Variants in ERG observed in about 807,000 individuals in gnomAD.
ERG encodes the protein transcriptional regulator ERG.
In ERG, 9 loss-of-function variants were observed where a neutral mutation model predicts 55.3. The ratio of observed to expected loss-of-function variants is 0.16; its 90% confidence interval spans 0.10 to 0.28. The LOEUF (loss-of-function observed/expected upper bound fraction) is 0.28, where lower values mean the gene tolerates loss of function less well. ERG is among the 10% of genes least tolerant of loss of function. ERG has a pLI of 1.00. For synonymous variants in ERG, 223 were observed against 237.3 expected (o/e 0.94, Z 0.55); for missense variants, 434 against 631.6 (o/e 0.69, Z 3.35).
At chr21:38,568,899 TC>T (rs1169683909) in intron 2 of ERG, among the ~76,000 whole-genome samples, 1 of 152,162 alleles carries the variant, frequency 6.6e-6, no homozygotes, top group Non-Finnish European at 1.5e-5. Flanking sequence ...CAAGGTGTGA[TC>T]CCAGGAAGAT....
chr21:38,647,501 G>C (rs367628691), intron 1 of ERG, among the ~76,000 whole-genome samples: 6 of 152,134 alleles, frequency 3.9e-5, no homozygotes, highest in Non-Finnish European at 5.9e-5. Context: ...CAGTATATCT[G>C]TGGTATTAAA....
At chr21:38,614,638 G>A (rs2060248263) in intron 1 of ERG, among the ~76,000 whole-genome samples, 1 of 152,240 alleles carries the variant, frequency 6.6e-6, no homozygotes, top group South Asian at 2.1e-4. Flanking sequence ...GCTAGAAGGG[G>A]ACTGGGTTGG....
chr21:38,393,613 T>C (rs1179410851), intron 6 of ERG, among the ~76,000 whole-genome samples: 2 of 152,204 alleles, frequency 1.3e-5, no homozygotes, highest in African/African-American at 4.8e-5. Flanking sequence ...TTAATTTTGT[T>C]TAAAACCAGC....
chr21:38,544,202 G>A (rs1418540913), intron 2 of ERG, among the ~76,000 whole-genome samples: 2 of 152,216 alleles, frequency 1.3e-5, no homozygotes, highest in Non-Finnish European at 2.9e-5. Flanking sequence ...AAGAATGTTT[G>A]TGTGGGCAGA....
upstream of ERG, among the ~76,000 whole-genome samples, chr21:38,586,683 A>G (rs2146886281): frequency 6.6e-6 from 1 of 152,346 alleles, no homozygotes; most frequent in Non-Finnish European, 1.5e-5. Flanking sequence ...AAGATCAATT[A>G]CAAAACAAAA....
chr21:38,538,493 G>A (rs1336839791), intron 2 of ERG, among the ~76,000 whole-genome samples: 1 of 151,964 alleles, frequency 6.6e-6, no homozygotes, highest in Non-Finnish European at 1.5e-5. Context: ...GGAGTAATGG[G>A]CTTCCATCTA....
At chr21:38,647,796 C>T (rs887297435) in intron 1 of ERG, among the ~76,000 whole-genome samples, 1 of 152,172 alleles carries the variant, frequency 6.6e-6, no homozygotes, top group Non-Finnish European at 1.5e-5. Flanking sequence ...CTCATTCACT[C>T]TTTAACAAGT....
chr21:38,428,111 G>T (rs947317125), intron 2 of ERG, among the ~76,000 whole-genome samples: 1 of 151,218 alleles, frequency 6.6e-6, no homozygotes, highest in Admixed American at 6.6e-5. Flanking sequence ...GCCTGGGGAG[G>T]TTGAGACTGC....
At chr21:38,579,544 A>G (rs975036842) in intron 1 of ERG, among the ~76,000 whole-genome samples, 8 of 152,184 alleles carry the variant, frequency 5.3e-5, no homozygotes, top group African/African-American at 1.9e-4. Flanking sequence ...AGGAGCCTTG[A>G]TGAACAAGAA....
chr21:38,604,072 C>A (rs1049950010), intron 1 of ERG, among the ~76,000 whole-genome samples: 8 of 148,842 alleles, frequency 5.4e-5, no homozygotes, highest in Admixed American at 1.3e-4. Flanking sequence ...CACGGTGAAA[C>A]CCCGTCTCTA....
chr21:38,593,280 C>G (rs937261684), intron 1 of ERG, among the ~76,000 whole-genome samples: 2 of 152,204 alleles, frequency 1.3e-5, no homozygotes, highest in Admixed American at 6.5e-5. Flanking sequence ...AAAGTAAAAG[C>G]AACTATAAAT....
chr21:38,474,861 A>T (rs1320189273), intron 1 of ERG, among the ~76,000 whole-genome samples: 4 of 152,112 alleles, frequency 2.6e-5, no homozygotes, highest in African/African-American at 4.8e-5. Context: ...TGAATCAAAG[A>T]AAGTGAAGCA....
At chr21:38,655,271 C>A (rs2060511915) in intron 1 of ERG, among the ~76,000 whole-genome samples, 1 of 152,066 alleles carries the variant, frequency 6.6e-6, no homozygotes, top group African/African-American at 2.4e-5. Context: ...TTCAGTCCTT[C>A]CTCTGAACCC....
At chr21:38,450,186 T>C (rs2058927832) in intron 1 of ERG, among the ~76,000 whole-genome samples, 1 of 144,778 alleles carries the variant, frequency 6.9e-6, no homozygotes, top group African/African-American at 2.6e-5. Flanking sequence ...GTTCAGGAGA[T>C]CGAGACCATA....
At chr21:38,504,191 G>C (rs1217657317) in intron 2 of ERG, among the ~76,000 whole-genome samples, 1 of 152,194 alleles carries the variant, frequency 6.6e-6, no homozygotes, top group Non-Finnish European at 1.5e-5. Context: ...CAAGGAAACT[G>C]TTATCACATA....
chr21:38,462,806 C>T (rs1226519633), intron 1 of ERG, among the ~76,000 whole-genome samples: 2 of 152,142 alleles, frequency 1.3e-5, no homozygotes, highest in African/African-American at 2.4e-5. Flanking sequence ...CCATCATGAC[C>T]CCCACCCATC....
intron 1 of ERG, among the ~76,000 whole-genome samples, chr21:38,610,335 T>C (rs1185115480): frequency 6.6e-6 from 1 of 152,226 alleles, no homozygotes; most frequent in Non-Finnish European, 1.5e-5. Flanking sequence ...GAAACACATC[T>C]TCAAGGTTAC....
Position 38,516,908 on chromosome 21 carries a change from T to A in ERG, c.-41+58754A>T, listed in dbSNP as rs539194288. Among the ~76,000 whole-genome samples the A allele has an allele frequency of 1.4e-4, 22 of 152,182 alleles. No homozygotes were observed. The South Asian group carries it at 1.7e-3, about 11-fold the overall frequency. On this transcript the variant is annotated intron_variant, in intron 2 of 8. Coordinates refer to the ERG transcript ENST00000398897. ...TAAATGGTGCTGGAATAATTGGATA[T>A]CCATATGCGAAAGAATAAAACTGGA...
chr21:38,640,597 C>CTCTGA (rs371776436), intron 1 of ERG, among the ~76,000 whole-genome samples: 1 of 152,186 alleles, frequency 6.6e-6, no homozygotes, highest in African/African-American at 2.4e-5. Context: ...TTTCACTTGG[C>CTCTGA]TCTGATCTGT....
Sources: gnomAD v4.1 joint callset for allele counts (sites outside exome capture counted in the v4.1 genomes callset) on GRCh38, gnomAD v4.1.1 for gene constraint, MANE v1.5 for transcripts, NCBI Gene and HGNC (gene_info 2026-07-23, HGNC 2026-07-21) for gene names.